The following SSR3 variants were observed in gnomAD, a reference collection of about 807,000 sequenced individuals.
SSR3 encodes translocon-associated protein subunit gamma.
SSR3 carries 10 observed loss-of-function variants against 22.1 expected under a neutral mutation model. The observed-to-expected ratio is 0.45, with a 90% CI of 0.28 to 0.77. The LOEUF is 0.77. SSR3 is among the 30% of genes least tolerant of loss of function. The pLI, the probability that SSR3 is intolerant of heterozygous loss-of-function variation, is 0.13. For missense variants in SSR3, 181 were observed against 220.5 expected, an observed-to-expected ratio of 0.82 and a Z score of 1.13; for synonymous variants, 104 against 82.5, an observed-to-expected ratio of 1.26 and a Z score of -1.42.
intron 2 of SSR3, 75 bp from the exon 3 acceptor site, chr3:156,549,078 C>A (rs1011515714): frequency 1.4e-6 from 2 of 1,414,742 alleles, no homozygotes; most frequent in East Asian, 4.7e-5. Context: ...AGAAACACAC[C>A]GTACTCATAT....
rs1404702758 is a variant in SSR3, at chr3:156,541,470, G to C, written c.*1733C>G. The C allele has an allele frequency of 1.3e-5, 2 of 151,914 alleles. No individual in the cohort carries two copies. The highest frequency in any genetic ancestry group is 1.3e-4 in the Admixed American group (2 of 15,246). 9.4% of individuals were successfully genotyped at this position (151,914 alleles called of 1,614,324 possible). A position where few individuals can be genotyped will look rare whatever the true frequency, so the allele number is the denominator to read the frequency against. Reference sequence around the variant, plus strand: ...TCTCACCCTTGCCACCCAGGCAGTAGTAGCACGATCTCGACTCACCGCAAC... The same window carrying C: ...TCTCACCCTTGCCACCCAGGCAGTACTAGCACGATCTCGACTCACCGCAAC... On this transcript the variant is annotated 3_prime_UTR_variant, in exon 5 of 5. Transcript: ENST00000265044.
At position 156,541,904 on chromosome 3, in the gene SSR3, G is replaced by A. The variant is rs922939507; in HGVS notation, c.*1299C>T. 1.3e-5 allele frequency: 2 copies of A among 152,116 alleles called. No individual in the cohort carries two copies. The highest frequency in any genetic ancestry group is 2.9e-5 in the Non-Finnish European group (2 of 68,014). The allele number at this position is 152,116 out of a possible 1,614,324, so 9.4% of individuals were successfully genotyped here. The stretch of plus-strand genomic sequence containing the variant: ...GGAGCCCAACACATCCGATAGCATG[G>A]AAGTGGAAGTTAAACTCCCGATGAA... On this transcript the variant is annotated 3_prime_UTR_variant, in exon 5 of 5. Transcript: ENST00000265044.
intron 3 of SSR3, chr3:156,548,684 T>C: frequency 1.8e-6 from 1 of 569,772 alleles, no homozygotes; most frequent in East Asian, 2.9e-5. Context: ...TTCACAGGAC[T>C]CTTTAGAGGA....
intron 3 of SSR3, 35 bp downstream of exon 3, chr3:156,548,869 CT>C: frequency 1.2e-6 from 2 of 1,603,190 alleles, no homozygotes. Flanking sequence ...AAAGTACCCC[CT>C]TTTATGATGG....
At chr3:156,554,164 T>C (rs905294313) in intron 1 of SSR3, 1 of 161,964 alleles carries the variant, frequency 6.2e-6, no homozygotes, top group Non-Finnish European at 1.3e-5. Context: ...CTTGCTGACG[T>C]GGCTGTTATC....
intron 4 of SSR3, 25 bp from the exon 5 acceptor site, chr3:156,543,294 A>G (rs890299460): frequency 6.3e-7 from 1 of 1,594,990 alleles, no homozygotes; most frequent in Non-Finnish European, 8.6e-7. Flanking sequence ...ATGTTATGGA[A>G]AAATGAGTAA....
In SSR3 at chr3:156,540,379, G is replaced by A. The variant is rs1030791035; in HGVS notation, c.*2824C>T. On this transcript the variant is annotated 3_prime_UTR_variant, in exon 5 of 5. Transcript: ENST00000265044. ...CCAGCACTTTGGGAGGCCGAGGCAG[G>A]TGGATCACGAGGTCAGGAGATCGAG... is the stretch of plus-strand genomic sequence containing the variant. 1.3e-5 allele frequency: 2 copies of A among 152,140 alleles called. No individual in the cohort carries two copies. Among genetic ancestry groups the A allele is most frequent in the African/African-American group, 4.8e-5 (2 of 41,436 alleles). 9.4% of individuals were successfully genotyped at this position (152,140 alleles called of 1,614,324 possible). A position where few individuals can be genotyped will look rare whatever the true frequency, so the allele number is the denominator to read the frequency against.
At chr3:156,544,581 G>C (rs1719694860) in intron 3 of SSR3, 142 bp from the exon 4 acceptor site, 2 of 567,664 alleles carry the variant, frequency 3.5e-6, no homozygotes, top group African/African-American at 3.9e-5. Context: ...ATTAGATTTA[G>C]TCAGAATTGT....
At chr3:156,550,457 A>G (rs747360952) in intron 2 of SSR3, among the ~76,000 whole-genome samples, 3 of 152,226 alleles carry the variant, frequency 2.0e-5, no homozygotes, top group Non-Finnish European at 4.4e-5. Flanking sequence ...TACCAGGGGC[A>G]TAACAACCAC....
chr3:156,552,303 CAA>C (rs1234560296), intron 2 of SSR3, among the ~76,000 whole-genome samples: 18 of 76,576 alleles, frequency 2.4e-4, no homozygotes, highest in African/African-American at 3.1e-4. Flanking sequence ...GAGTCTGTCT[CAA>C]AAAAAAAAAA....
intron 1 of SSR3, among the ~76,000 whole-genome samples, chr3:156,554,351 T>G (rs1204903517): frequency 1.3e-5 from 2 of 152,208 alleles, no homozygotes; most frequent in Non-Finnish European, 2.9e-5. Flanking sequence ...AAAAACGACC[T>G]TGTCCAAGTC....
In SSR3 at chr3:156,553,797, A is replaced by G. The variant is rs199622337; in HGVS notation, c.134-16T>C. 5 of 1,583,590 alleles carry G rather than the reference A, an allele frequency of 3.2e-6. No individual in the cohort carries two copies. In the African/African-American group the frequency reaches 5.4e-5, roughly 17 times the overall value. ...CAGTATAACCCTGAATTAAAATAAA[A>G]GGGGGAAGGGTACAAAAAGAAGCAA... On this transcript the variant is annotated splice_polypyrimidine_tract_variant and intron_variant, in intron 1 of 4. Coordinates refer to ENST00000265044, the MANE Select transcript of SSR3 (RefSeq NM_007107.5).
chr3:156,549,626 A>AT (rs554273679), intron 2 of SSR3, among the ~76,000 whole-genome samples: 21 of 152,266 alleles, frequency 1.4e-4, no homozygotes, highest in African/African-American at 4.3e-4. Flanking sequence ...GATTTTACCT[A>AT]TTTTTTTACC....
Position 156,542,982 on chromosome 3 carries a change from A to T in SSR3, c.*221T>A. ...ATTGCAAGACATTTTTTTCCTTTTA[A>T]TAAACGTCCTAGTACTCTGAGTTTC... On this transcript the variant is annotated 3_prime_UTR_variant, in exon 5 of 5. Coordinates refer to ENST00000265044, the MANE Select transcript of SSR3 (RefSeq NM_007107.5). The T allele has an allele frequency of 2.3e-6, 1 of 438,764 alleles. No individual in the cohort carries two copies. The highest frequency in any genetic ancestry group is 4.0e-6 in the Non-Finnish European group (1 of 247,446). The allele number at this position is 438,764 out of a possible 1,614,324, so 27.2% of individuals were successfully genotyped here. A position where few individuals can be genotyped will look rare whatever the true frequency, so the allele number is the denominator to read the frequency against.
chr3:156,554,829 GGGGAGCTGGAGAGATTGCCGACCCCC>G, intron 1 of SSR3, 102 bp downstream of exon 1: 1 of 1,270,342 alleles, frequency 7.9e-7, no homozygotes, highest in Non-Finnish European at 1.1e-6. Flanking sequence ...CCCGAGCTCA[GGGGAGCTGGAGAGATTGCCGACCCCC>G]GGCCGGCACC....
intron 2 of SSR3, among the ~76,000 whole-genome samples, chr3:156,551,865 A>G (rs1388019911): frequency 3.3e-5 from 5 of 152,206 alleles, no homozygotes; most frequent in African/African-American, 9.6e-5. Context: ...GGTAGGGCAC[A>G]AGACATATTC....
intron 3 of SSR3, among the ~76,000 whole-genome samples, chr3:156,546,019 G>A (rs1246842296): frequency 6.6e-6 from 1 of 152,186 alleles, no homozygotes; most frequent in Non-Finnish European, 1.5e-5. Context: ...TATCTCACTT[G>A]CATCACAGTG....
chr3:156,544,043 C>CT (rs1002777289), intron 4 of SSR3: 58 of 383,012 alleles, frequency 1.5e-4, no homozygotes, highest in Non-Finnish European at 1.8e-4. Flanking sequence ...CTCTTTGGAG[C>CT]TTTTTTTTAA....
At chr3:156,549,078 C>T (rs1011515714) in intron 2 of SSR3, 75 bp from the exon 3 acceptor site, 9 of 1,414,748 alleles carry the variant, frequency 6.4e-6, no homozygotes, top group African/African-American at 2.9e-5. Context: ...AGAAACACAC[C>T]GTACTCATAT....
Sources: gnomAD v4.1 joint callset for allele counts (sites outside exome capture counted in the v4.1 genomes callset) on GRCh38, gnomAD v4.1.1 for gene constraint, MANE v1.5 for transcripts, NCBI Gene and HGNC (gene_info 2026-07-23, HGNC 2026-07-21) for gene names.